Variants in TRPC4 observed in about 807,000 individuals in gnomAD.
TRPC4 encodes short transient receptor potential channel 4.
TRPC4 carries 49 observed loss-of-function variants against 99.4 expected under a neutral mutation model. The observed-to-expected ratio is 0.49, with a 90% CI of 0.39 to 0.63. TRPC4 has a LOEUF of 0.63. TRPC4 is among the 20% of genes least tolerant of loss of function. The probability of loss-of-function intolerance (pLI) is 0.00; values close to 1 mark genes in which losing one functional copy is unlikely to be tolerated. For missense variants in TRPC4, 898 were observed against 1,152.9 expected, an observed-to-expected ratio of 0.78 and a Z score of 3.20; for synonymous variants, 454 against 425.9, an observed-to-expected ratio of 1.07 and a Z score of -0.81.
At chr13:37,815,617 C>T (rs970269633) in intron 1 of TRPC4, among the ~76,000 whole-genome samples, 20 of 151,998 alleles carry the variant, frequency 1.3e-4, no homozygotes, top group South Asian at 1.2e-3. Context: ...ATTCATAAAA[C>T]GAGTTCTTAG....
chr13:37,743,698 ATTAATTACTTTGC>A (rs1431512628), intron 3 of TRPC4, among the ~76,000 whole-genome samples: 1 of 152,226 alleles, frequency 6.6e-6, no homozygotes, highest in East Asian at 1.9e-4. Flanking sequence ...ACCAAAGTGT[ATTAATTACTTTGC>A]AGGTAAAAAT....
chr13:37,829,822 C>G (rs925718798), intron 1 of TRPC4, among the ~76,000 whole-genome samples: 3 of 152,140 alleles, frequency 2.0e-5, no homozygotes, highest in Non-Finnish European at 4.4e-5. Flanking sequence ...ATTTGAAGCA[C>G]TAGTTCGTAC....
Position 37,633,054 on chromosome 13 carries a change from C to T in TRPC4, c.*3849G>A, listed in dbSNP as rs1477637813. Among the ~76,000 whole-genome samples the T allele has an allele frequency of 6.6e-6, 1 of 152,012 alleles. No individual in the cohort carries two copies. Among genetic ancestry groups the T allele is most frequent in the Non-Finnish European group, 1.5e-5 (1 of 68,006 alleles). Reference sequence around the variant, plus strand: ...AAATTTAGATAATTTCCATAAATTCCCTGGGCTTTACTTTCCCCAGTTATC... The same window carrying T: ...AAATTTAGATAATTTCCATAAATTCTCTGGGCTTTACTTTCCCCAGTTATC... On this transcript the variant is annotated 3_prime_UTR_variant, in exon 11 of 11. Transcript: ENST00000379705.
rs1160711141 is a variant in TRPC4 at position 37,632,784 on chromosome 13, A to C, written c.*4119T>G. On this transcript the variant is annotated 3_prime_UTR_variant, in exon 11 of 11. Transcript: ENST00000379705. ...GAACAGTGTATTTTCTGAAAACAGT[A>C]AGAAACCAGCTTTTTAAAAATTCTC... Among the ~76,000 whole-genome samples the C allele has an allele frequency of 6.6e-6, 1 of 152,216 alleles. No homozygotes were observed. Among genetic ancestry groups the C allele is most frequent in the Non-Finnish European group, 1.5e-5 (1 of 68,028 alleles).
intron 3 of TRPC4, among the ~76,000 whole-genome samples, chr13:37,719,717 T>G (rs1954801474): frequency 6.6e-6 from 1 of 151,806 alleles, no homozygotes; most frequent in Non-Finnish European, 1.5e-5. Flanking sequence ...TTGCATGAGG[T>G]ATACAATATA....
At chr13:37,858,065 A>G (rs1348267555) in intron 1 of TRPC4, among the ~76,000 whole-genome samples, 1 of 151,766 alleles carries the variant, frequency 6.6e-6, no homozygotes, top group East Asian at 1.9e-4. Flanking sequence ...AAACAACTCT[A>G]TAGGTAAAAA....
chr13:37,648,524 A>G (rs1376994699), intron 8 of TRPC4, among the ~76,000 whole-genome samples: 3 of 152,020 alleles, frequency 2.0e-5, no homozygotes, highest in Non-Finnish European at 4.4e-5. Context: ...GCCATTGTTG[A>G]ATGTTAGTAA....
intron 1 of TRPC4, among the ~76,000 whole-genome samples, chr13:37,824,631 C>A (rs367913341): frequency 6.6e-6 from 1 of 151,724 alleles, no homozygotes; most frequent in African/African-American, 2.4e-5. Context: ...GCCCACTTGA[C>A]CATGGTGGAT....
intron 1 of TRPC4, among the ~76,000 whole-genome samples, chr13:37,856,390 TAA>T (rs34818320): frequency 2.2e-4 from 24 of 109,998 alleles, no homozygotes; most frequent in Non-Finnish European, 2.9e-4. Context: ...AGTCTCCTAG[TAA>T]AAAAAAAAAA....
At chr13:37,781,605 C>T (rs1353250600) in intron 2 of TRPC4, among the ~76,000 whole-genome samples, 1 of 151,956 alleles carries the variant, frequency 6.6e-6, no homozygotes, top group Non-Finnish European at 1.5e-5. Flanking sequence ...TGAAAGAATA[C>T]AAGAAACAAG....
chr13:37,720,078 G>A (rs1045134749), intron 3 of TRPC4, among the ~76,000 whole-genome samples: 1 of 151,926 alleles, frequency 6.6e-6, no homozygotes, highest in Non-Finnish European at 1.5e-5. Flanking sequence ...TAAAGATGGA[G>A]GAAGAGGAAA....
At chr13:37,837,047 C>G (rs890595027) in intron 1 of TRPC4, among the ~76,000 whole-genome samples, 1 of 152,200 alleles carries the variant, frequency 6.6e-6, no homozygotes, top group African/African-American at 2.4e-5. Flanking sequence ...AAGCCTCAAG[C>G]CTTGGCAGCT....
At chr13:37,729,289 C>A (rs1223003798) in intron 3 of TRPC4, among the ~76,000 whole-genome samples, 1 of 152,034 alleles carries the variant, frequency 6.6e-6, no homozygotes, top group African/African-American at 2.4e-5. Context: ...TGCACCCTCA[C>A]ACTCGTTAGG....
chr13:37,752,607 C>A lies in TRPC4; in HGVS notation c.379-6152G>T, dbSNP rs145920759. On this transcript the variant is annotated intron_variant, in intron 2 of 10. Transcript: ENST00000379705. Reference sequence around the variant, plus strand: ...TTCTGCCCCCCTCCCCCTCCCACACCCTTTTTCTTTGCTAAGTTTTCCTAG... The same window carrying A: ...TTCTGCCCCCCTCCCCCTCCCACACACTTTTTCTTTGCTAAGTTTTCCTAG... 9.9e-3 allele frequency among the ~76,000 whole-genome samples: 1,506 copies of A among 151,858 alleles called. 13 individuals are homozygous for A. The highest frequency in any genetic ancestry group is 0.03 in the South Asian group (143 of 4,794).
chr13:37,643,347 G>A (rs964401138), intron 8 of TRPC4, among the ~76,000 whole-genome samples: 1 of 152,194 alleles, frequency 6.6e-6, no homozygotes, highest in African/African-American at 2.4e-5. Context: ...CCAAAAGGTG[G>A]ATTGCCAAGA....
intron 3 of TRPC4, among the ~76,000 whole-genome samples, chr13:37,711,566 T>G (rs558947114): frequency 1.3e-4 from 20 of 152,166 alleles, no homozygotes; most frequent in Admixed American, 3.9e-4. Flanking sequence ...GAAGTTCACT[T>G]TAATTATTTT....
intron 4 of TRPC4, among the ~76,000 whole-genome samples, chr13:37,678,517 T>C (rs1278849571): frequency 1.3e-5 from 2 of 152,040 alleles, no homozygotes; most frequent in Non-Finnish European, 2.9e-5. Flanking sequence ...TTAAATGAGC[T>C]TTTTTCCCTG....
chr13:37,702,247 G>A (rs1954123668), intron 3 of TRPC4, among the ~76,000 whole-genome samples: 1 of 152,132 alleles, frequency 6.6e-6, no homozygotes, highest in South Asian at 2.1e-4. Flanking sequence ...CTCATCTTCA[G>A]TAATTTATTG....
At chr13:37,754,621 A>T (rs1336948707) in intron 2 of TRPC4, among the ~76,000 whole-genome samples, 1 of 152,182 alleles carries the variant, frequency 6.6e-6, no homozygotes, top group African/African-American at 2.4e-5. Context: ...CCAAAACAAA[A>T]GTAGAAGAGG....
Sources: allele counts gnomAD v4.1 joint callset (sites outside exome capture counted in the v4.1 genomes callset), GRCh38; gene constraint gnomAD v4.1.1; transcripts MANE v1.5; gene names NCBI Gene and HGNC (gene_info 2026-07-23, HGNC 2026-07-21).